RFT1: variants seen among roughly 807,000 people sequenced by gnomAD.
RFT1 encodes the protein man(5)GlcNAc(2)-PP-dolichol translocation protein RFT1.
RFT1 carries 43 observed loss-of-function variants against 62.2 expected under a neutral mutation model. The ratio of observed to expected loss-of-function variants is 0.69; its 90% CI spans 0.54 to 0.89. RFT1 has a LOEUF of 0.89. Among genes scored for constraint, RFT1 ranks in the 40% least tolerant of loss-of-function variants. The pLI is 0.00. For missense variants in RFT1, 605 were observed against 649.9 expected (o/e 0.93, Z 0.75); for synonymous variants, 262 against 264.6 (o/e 0.99, Z 0.10).
intron 7 of RFT1, among the ~76,000 whole-genome samples, chr3:53,110,463 C>G (rs963087177): frequency 6.6e-6 from 1 of 152,186 alleles, no homozygotes; most frequent in Non-Finnish European, 1.5e-5. Flanking sequence ...ACCCTCCCTT[C>G]CCCGAGAAGG....
chr3:53,101,060 G>A (rs1701298480), intron 10 of RFT1, among the ~76,000 whole-genome samples: 2 of 152,136 alleles, frequency 1.3e-5, no homozygotes, highest in South Asian at 4.1e-4. Flanking sequence ...TATGAAAGCT[G>A]TTTAATACAA....
intron 2 of RFT1, 90 bp from the exon 3 acceptor site, chr3:53,123,930 G>A (rs1702039681): frequency 4.7e-6 from 5 of 1,064,624 alleles, no homozygotes; most frequent in Non-Finnish European, 5.7e-6. Flanking sequence ...AGGAGATAAA[G>A]TCTTGGTCAT....
chr3:53,102,164 C>T (rs1262131894), intron 10 of RFT1, among the ~76,000 whole-genome samples: 1 of 152,160 alleles, frequency 6.6e-6, no homozygotes, highest in African/African-American at 2.4e-5. Context: ...GACCGCAGTA[C>T]TGCAGCTGCA....
chr3:53,067,996 C>G, the RFT1 span, among the ~76,000 whole-genome samples: 2 of 152,242 alleles, frequency 1.3e-5, no homozygotes, highest in African/African-American at 2.4e-5. Context: ...GTCATGCCCT[C>G]AAGTGGGCTG....
the RFT1 span, among the ~76,000 whole-genome samples, chr3:53,082,935 C>A: frequency 6.6e-6 from 1 of 152,132 alleles, no homozygotes; most frequent in Non-Finnish European, 1.5e-5. Flanking sequence ...GCGGCTCATG[C>A]CTGTAATCCC....
chr3:53,067,432 G>A, the RFT1 span, among the ~76,000 whole-genome samples: 1 of 152,208 alleles, frequency 6.6e-6, no homozygotes, highest in Non-Finnish European at 1.5e-5. Flanking sequence ...CGACATTTGG[G>A]TGAAATTCTA....
At chr3:53,110,425 C>T (rs565463292) in intron 7 of RFT1, among the ~76,000 whole-genome samples, 1 of 152,276 alleles carries the variant, frequency 6.6e-6, no homozygotes, top group East Asian at 1.9e-4. Flanking sequence ...GTGCTCAGGC[C>T]CTTCACTCAG....
Position 53,119,470 on chromosome 3 carries a change from GGTT to G in RFT1, c.696+411_696+413del, listed in dbSNP as rs1013923462. Among the ~76,000 whole-genome samples the G allele has an allele frequency of 1.2e-4, 18 of 152,326 alleles. No homozygotes were observed. The East Asian group carries it at 2.9e-3, about 24-fold the overall frequency. On this transcript the variant is annotated intron_variant, in intron 6 of 12. Coordinates refer to ENST00000296292, the MANE Select transcript of RFT1 (RefSeq NM_052859.4). Reference sequence around the variant, plus strand: ...GAAACAGACAGTGTCAGCCTTTCAGGGTTGTTGTTAAGCATTAAATAAGGCAGG... The same window carrying G: ...GAAACAGACAGTGTCAGCCTTTCAGGGTTGTTAAGCATTAAATAAGGCAGG...
chr3:53,101,929 C>G (rs1169968873), intron 10 of RFT1, among the ~76,000 whole-genome samples: 1 of 151,926 alleles, frequency 6.6e-6, no homozygotes, highest in Non-Finnish European at 1.5e-5. Flanking sequence ...ATCTCAGCTA[C>G]TCGGGAGGCT....
At chr3:53,102,535 G>A (rs891369) in intron 10 of RFT1, among the ~76,000 whole-genome samples, 37,516 of 151,826 alleles carry the variant, frequency 0.25, 4,927 homozygotes, top group Middle Eastern at 0.37. Flanking sequence ...CAAGAAAAAA[G>A]AAAAGAAAAG....
At chr3:53,070,341 G>A in the RFT1 span, among the ~76,000 whole-genome samples, 2 of 144,730 alleles carry the variant, frequency 1.4e-5, no homozygotes, top group Admixed American at 7.0e-5. Flanking sequence ...CCTGAGCCCA[G>A]AAGTATGCTG....
Position 53,122,538 on chromosome 3 carries a change from A to T in RFT1, c.292T>A (p.Leu98Ile), listed in dbSNP as rs1209713915. The part of the protein sequence containing the change: ...LTVPLGVFWS[L>I]FLGWIWLQLL... ...TGCAACCAGATCCAGCCCAGGAATA[A>T]GGACCAAAACACACCCAGGGGGACT... Residue 98 changes from leucine (L) to isoleucine (I), a missense_variant, in exon 4 of 13, where the codon TTA becomes ATA. Coordinates refer to ENST00000296292, the MANE Select transcript of RFT1 (RefSeq NM_052859.4). The T allele has an allele frequency of 1.9e-6, 3 of 1,613,524 alleles. No homozygotes were observed. The East Asian group carries it at 6.7e-5, about 36-fold the overall frequency.
Position 53,126,116 on chromosome 3 carries a change from T to C in RFT1, c.64-122A>G, listed in dbSNP as rs9867023. The C allele has an allele frequency of 0.29, 219,823 of 766,438 alleles. 33,227 individuals are homozygous for C. Among genetic ancestry groups the C allele is most frequent in the Middle Eastern group, 0.36 (1,078 of 3,032 alleles). The allele number at this position is 766,438 out of a possible 1,614,324, so 47.5% of individuals were successfully genotyped here. A position where few individuals can be genotyped will look rare whatever the true frequency, so the allele number is the denominator to read the frequency against. On this transcript the variant is annotated intron_variant, in intron 1 of 12. Transcript: ENST00000296292. ...GTAATGACATACAGCAGCTTTTTCA[T>C]GGAGACTCTCCTCTAAGACGCCCAA...
At chr3:53,104,141 T>C in intron 9 of RFT1, 44 bp from the exon 10 acceptor site, 1 of 1,608,448 alleles carries the variant, frequency 6.2e-7, no homozygotes, top group Non-Finnish European at 8.5e-7. Flanking sequence ...AATCATGAGC[T>C]GAAGAAAACC....
At position 53,130,427 on chromosome 3, in the gene RFT1, G is replaced by A; in HGVS notation, c.-27C>T. The A allele has an allele frequency of 1.3e-6, 2 of 1,550,330 alleles. No homozygotes were observed. The highest frequency in any genetic ancestry group is 1.7e-6 in the Non-Finnish European group (2 of 1,146,716). On this transcript the variant is annotated 5_prime_UTR_variant, in exon 1 of 13. Coordinates refer to ENST00000296292, the MANE Select transcript of RFT1 (RefSeq NM_052859.4). The stretch of plus-strand genomic sequence containing the variant: ...GCCTCCGCGCCAGGCTCAGACACCA[G>A]GAAATGCCGCCGCCACTCCGTTTAG...
intron 8 of RFT1, 66 bp from the exon 9 acceptor site, chr3:53,105,869 T>G: frequency 1.5e-6 from 2 of 1,307,634 alleles, no homozygotes; most frequent in Non-Finnish European, 2.1e-6. Flanking sequence ...TATAGCACTA[T>G]TAAAATTATT....
intron 7 of RFT1, among the ~76,000 whole-genome samples, chr3:53,107,316 T>A (rs1701513206): frequency 6.6e-6 from 1 of 152,026 alleles, no homozygotes; most frequent in Admixed American, 6.5e-5. Flanking sequence ...TTTTTGTATT[T>A]TTAGTAGAGA....
intron 1 of RFT1, among the ~76,000 whole-genome samples, chr3:53,129,741 C>A (rs908124642): frequency 3.3e-5 from 5 of 152,160 alleles, no homozygotes; most frequent in African/African-American, 1.2e-4. Context: ...TAAATGCATA[C>A]TAAGAGCCGG....
At chr3:53,117,567 A>G (rs1701844865) in intron 6 of RFT1, among the ~76,000 whole-genome samples, 1 of 152,180 alleles carries the variant, frequency 6.6e-6, no homozygotes. Flanking sequence ...TCTCATGATC[A>G]GGGCTTGGGT....
Sources: gnomAD v4.1 joint callset for allele counts (sites outside exome capture counted in the v4.1 genomes callset) on GRCh38, gnomAD v4.1.1 for gene constraint, MANE v1.5 for transcripts, NCBI Gene and HGNC (gene_info 2026-07-23, HGNC 2026-07-21) for gene names.